The following CELSR3 variants were observed in gnomAD, a reference collection of about 807,000 sequenced individuals.
CELSR3 encodes the protein cadherin EGF LAG seven-pass G-type receptor 3, also known as EGF-like protein 1.
In CELSR3, 73 loss-of-function variants were observed where a neutral mutation model predicts 270.0. The observed-to-expected ratio is 0.27, with a 90% CI of 0.22 to 0.33. CELSR3 has a LOEUF of 0.33. Ranked by LOEUF, CELSR3 falls within the 10% of genes least tolerant of loss-of-function variation. The pLI, the probability that CELSR3 is intolerant of heterozygous loss-of-function variation, is 1.00. For synonymous variants in CELSR3, 1,780 were observed against 1,905.4 expected (o/e 0.93, Z 1.71); for missense variants, 3,614 against 4,533.8 (o/e 0.80, Z 5.83).
rs764850227 is a variant in CELSR3, at chr3:48,656,813, C to A, written c.4284G>T (p.Thr1428=). 6.2e-7 allele frequency: 1 copy of A among 1,606,534 alleles called. No individual in the cohort carries two copies. Among genetic ancestry groups the A allele is most frequent in the South Asian group, 1.1e-5 (1 of 89,920 alleles). Residue 1428 remains threonine (T), a synonymous_variant, in exon 2 of 35, where the codon ACG becomes ACT. Coordinates refer to ENST00000164024, the MANE Select transcript of CELSR3 (RefSeq NM_001407.3). ...CGAGCTCGGTCTCGCAAAAGTCTCC[C>A]GTGAATCCGGGCGGGCAGCGGCAGC... is the stretch of plus-strand genomic sequence containing the variant. ...GLRCRCPPGF[T]GDFCETELDL...
In CELSR3 at chr3:48,661,725, C is replaced by A. The variant is rs1322692799; in HGVS notation, c.910G>T (p.Ala304Ser). Reference sequence around the variant, plus strand: ...CGGTTCGCCGAGGTTACTTTCCTGGCTTCAGGACGGGCCGGGAGTCCCGGG... The same window carrying A: ...CGGTTCGCCGAGGTTACTTTCCTGGATTCAGGACGGGCCGGGAGTCCCGGG... ...RPPGLPARPE[A>S]RKVTSANRAR... is the part of the protein sequence containing the mutation. Residue 304 changes from alanine to serine, a missense_variant, in exon 1 of 35, where the codon GCC becomes TCC. By Grantham distance (99) the Ala-to-Ser change is moderately conservative. Transcript: ENST00000164024. 1.3e-6 allele frequency: 2 copies of A among 1,579,130 alleles called. No individual in the cohort carries two copies. The highest frequency in any genetic ancestry group is 1.7e-6 in the Non-Finnish European group (2 of 1,163,818).
rs894821694 is a variant in CELSR3 at position 48,639,319 on chromosome 3, G to T, written c.9911+355C>A. ...CGAACCTTCCCAAGCAAGGCCTCCT[G>T]CTCTCCTCCCTGCCCCTTGCATATT... On this transcript the variant is annotated intron_variant, in intron 34 of 34. Coordinates refer to ENST00000164024, the MANE Select transcript of CELSR3 (RefSeq NM_001407.3). The surrounding 1 kb of genome is among the most constrained non-coding windows in gnomAD (Gnocchi z 4.1). Among the ~76,000 whole-genome samples, 1 of 152,268 alleles carries T rather than the reference G, an allele frequency of 6.6e-6. No homozygotes were observed. The highest frequency in any genetic ancestry group is 2.4e-5 in the African/African-American group (1 of 41,562).
In CELSR3 at chr3:48,644,172, C is replaced by T; in HGVS notation, c.8165+44G>A. The T allele has an allele frequency of 6.4e-7, 1 of 1,556,848 alleles. No individual in the cohort carries two copies. The highest frequency in any genetic ancestry group is 2.3e-5 in the East Asian group (1 of 44,144). ...GGCCCCAGACCCCACCCAGGAGGGA[C>T]CTGCCATCCTGAGAAGCCCCCTTCC... On this transcript the variant is annotated intron_variant, in intron 27 of 34. Transcript: ENST00000164024. The surrounding 1 kb of genome is among the most constrained non-coding windows in gnomAD (Gnocchi z 4.8).
rs776243787 is a variant in CELSR3, at chr3:48,661,451, C to T, written c.1184G>A (p.Ser395Asn). 1.2e-6 allele frequency: 2 copies of T among 1,609,944 alleles called. No individual in the cohort carries two copies. Among genetic ancestry groups the T allele is most frequent in the Non-Finnish European group, 1.7e-6 (2 of 1,178,650 alleles). ...IRTAAALDRE[S>N]MERHYLRVTA... ...CACACGCAGGTAGTGACGCTCCATG[C>T]TCTCGCGGTCCAGAGCTGCCGCCGT... The change falls in exon 1 of 35, where the codon AGC becomes AAC. Residue 395 changes from serine to asparagine, a missense_variant. Physicochemically the swap from Ser to Asn is conservative, Grantham distance 46. This residue lies in a region of CELSR3 where 354 missense variants were observed against 500.9 expected (regional missense o/e 0.71). Transcript: ENST00000164024.
rs751852739 is a variant in CELSR3 at position 48,642,954 on chromosome 3, C to T, written c.8406+13G>A. Reference sequence around the variant, plus strand: ...TAAAACTCTGGCTTCTCAGGGCCCCCATCCCGACTCACCAGCCCAGGTGCT... The same window carrying T: ...TAAAACTCTGGCTTCTCAGGGCCCCTATCCCGACTCACCAGCCCAGGTGCT... On this transcript the variant is annotated intron_variant, in intron 29 of 34. Transcript: ENST00000164024. This position sits in a 1 kb window ranked among gnomAD's most constrained non-coding sequence, Gnocchi z 6.1. The T allele has an allele frequency of 6.2e-7, 1 of 1,610,724 alleles. No individual in the cohort carries two copies. Among genetic ancestry groups the T allele is most frequent in the Non-Finnish European group, 8.5e-7 (1 of 1,178,218 alleles).
Position 48,645,826 on chromosome 3 carries a change from C to G in CELSR3, c.7506G>C (p.Leu2502=). The G allele has an allele frequency of 6.2e-7, 1 of 1,610,904 alleles. No individual in the cohort carries two copies. Among genetic ancestry groups the G allele is most frequent in the Non-Finnish European group, 8.5e-7 (1 of 1,179,210 alleles). Residue 2502 remains leucine, a synonymous_variant, in exon 23 of 35, where the codon CTG becomes CTC. Coordinates refer to ENST00000164024, the MANE Select transcript of CELSR3 (RefSeq NM_001407.3). The surrounding 1 kb of genome is among the most constrained non-coding windows in gnomAD (Gnocchi z 5.4). ...GTGCGTGGGACCCATTCCTGTGCAC[C>G]AGCTCGCAGTCCCGTGCTGTCCACA... ...HGVWTARDCE[L]VHRNGSHARC... is the part of the protein sequence containing the mutation.
Position 48,660,277 on chromosome 3 carries a change from G to A in CELSR3, c.2358C>T (p.Asn786=). ...CTGTGATCTGGTAGCTGATGGCACT[G>A]TTGGCATCACGGTCTACTGCGGTCA... is the stretch of plus-strand genomic sequence containing the variant. The part of the protein sequence containing the change: ...VSVTAVDRDA[N]SAISYQITGG... Residue 786 remains asparagine (N), a synonymous_variant, in exon 1 of 35, where the codon AAC becomes AAT. Transcript: ENST00000164024. The surrounding 1 kb of genome is among the most constrained non-coding windows in gnomAD (Gnocchi z 5.5). The A allele has an allele frequency of 1.2e-6, 2 of 1,614,174 alleles. No individual in the cohort carries two copies. The highest frequency in any genetic ancestry group is 1.7e-5 in the Admixed American group (1 of 60,024).
chr3:48,656,708 C>A lies in CELSR3; in HGVS notation c.4389G>T (p.Pro1463=). The A allele has an allele frequency of 1.3e-6, 2 of 1,491,398 alleles. No individual in the cohort carries two copies. Among genetic ancestry groups the A allele is most frequent in the Non-Finnish European group, 1.8e-6 (2 of 1,126,978 alleles). The allele number at this position is 1,491,398 out of a possible 1,614,324, so 92.4% of individuals were successfully genotyped here. Residue 1463 remains proline (P), a synonymous_variant, in exon 2 of 35, where the codon CCG becomes CCT. Transcript: ENST00000164024. ...CGGCGCCCTGCTCACCGGTGAAGCG[C>A]GGGCGGCAGACGCACGTGTAGCCTC... ...REGGYTCVCR[P]RFTGEDCELD... is the part of the protein sequence containing the mutation.
At position 48,645,051 on chromosome 3, in the gene CELSR3, G is replaced by A. The variant is rs762976816; in HGVS notation, c.7956C>T (p.Val2652=). ...MRFYHALGWG[V]PAVLLGLAVG... ...AGCCCTCACCCAGCAGCACAGCAGG[G>A]ACGCCCCAGCCCAGGGCATGGTAGA... is the stretch of plus-strand genomic sequence containing the variant. Residue 2652 remains valine, a synonymous_variant, in exon 25 of 35, where the codon GTC becomes GTT. Coordinates refer to ENST00000164024, the MANE Select transcript of CELSR3 (RefSeq NM_001407.3). The surrounding 1 kb of genome is among the most constrained non-coding windows in gnomAD (Gnocchi z 5.4). 3 of 1,587,158 alleles carry A rather than the reference G, an allele frequency of 1.9e-6. No homozygotes were observed. The highest frequency in any genetic ancestry group is 2.6e-6 in the Non-Finnish European group (3 of 1,162,112).
chr3:48,656,320 C>A lies in CELSR3; in HGVS notation c.4445G>T (p.Gly1482Val). 1 of 1,459,122 alleles carries A rather than the reference C, an allele frequency of 6.9e-7. No individual in the cohort carries two copies. The highest frequency in any genetic ancestry group is 8.9e-7 in the Non-Finnish European group (1 of 1,119,356). The allele number at this position is 1,459,122 out of a possible 1,614,324, so 90.4% of individuals were successfully genotyped here. The change falls in exon 3 of 35, where the codon GGC (glycine) becomes GTC (valine). Residue 1482 changes from glycine to valine, a missense_variant. By Grantham distance (109) the Gly-to-Val change is moderately radical (BLOSUM62 -3). Coordinates refer to ENST00000164024, the MANE Select transcript of CELSR3 (RefSeq NM_001407.3). ...LDTEAGRCVPGVCRNGGTCTD... is the reference protein window; with the variant it reads ...LDTEAGRCVPVVCRNGGTCTD... ...GCAGGTGCCCCCGTTGCGGCAGACGCCCGGCACGCAGCGGCCGGCCTCGGT... is the reference window on the plus strand; with the variant it reads ...GCAGGTGCCCCCGTTGCGGCAGACGACCGGCACGCAGCGGCCGGCCTCGGT...
At chr3:48,648,627 A>C in intron 18 of CELSR3, 92 bp downstream of exon 18, 1 of 1,473,542 alleles carries the variant, frequency 6.8e-7, no homozygotes, top group Non-Finnish European at 9.1e-7. Flanking sequence ...TTCACTTCCC[A>C]AGAGAACAGC....
At position 48,652,179 on chromosome 3, in the gene CELSR3, C is replaced by T; in HGVS notation, c.5752-131G>A. 1.0e-6 allele frequency: 1 copy of T among 964,728 alleles called. No individual in the cohort carries two copies. The highest frequency in any genetic ancestry group is 1.5e-6 in the Non-Finnish European group (1 of 674,068). The allele number at this position is 964,728 out of a possible 1,614,324, so 59.8% of individuals were successfully genotyped here. The stretch of plus-strand genomic sequence containing the variant: ...TGATACCCTCAAAAAACCCAGGCCT[C>T]AAAAATATCCCCAATTTGGTACCCC... On this transcript the variant is annotated intron_variant, in intron 11 of 34. Coordinates refer to ENST00000164024, the MANE Select transcript of CELSR3 (RefSeq NM_001407.3). The surrounding 1 kb of genome is among the most constrained non-coding windows in gnomAD (Gnocchi z 4.3).
At position 48,659,316 on chromosome 3, in the gene CELSR3, C is replaced by A. The variant is rs780764728; in HGVS notation, c.3319G>T (p.Val1107Leu). The A allele has an allele frequency of 6.2e-7, 1 of 1,614,186 alleles. No individual in the cohort carries two copies. Among genetic ancestry groups the A allele is most frequent in the East Asian group, 2.2e-5 (1 of 44,892 alleles). The part of the protein sequence containing the change: ...GPNAHIMYQI[V>L]EGNIPELFQM... ...AACAGCTCAGGGATGTTCCCCTCCA[C>A]GATCTGGTACATTATATGGGCATTG... Residue 1107 changes from valine (V) to leucine (L), a missense_variant, in exon 1 of 35, where the codon GTG becomes TTG. Val to Leu is a conservative substitution (Grantham distance 32, BLOSUM62 1). Coordinates refer to ENST00000164024, the MANE Select transcript of CELSR3 (RefSeq NM_001407.3). The surrounding 1 kb of genome is among the most constrained non-coding windows in gnomAD (Gnocchi z 8.1).
rs1177516862 is a variant in CELSR3 at position 48,640,116 on chromosome 3, G to T, written c.9469C>A (p.Pro3157Thr). The T allele has an allele frequency of 6.2e-7, 1 of 1,611,744 alleles. No individual in the cohort carries two copies. Among genetic ancestry groups the T allele is most frequent in the Non-Finnish European group, 8.5e-7 (1 of 1,179,848 alleles). ...AGGTCCCGGGTGCGGCGGGGCGGAG[G>T]CAGCGTGCTCAACCACTCTCGAGGT... The part of the protein sequence containing the change: ...GAPREWLSTL[P>T]PPRRTRDLDP... Residue 3157 changes from proline (P) to threonine (T), a missense_variant, in exon 34 of 35, where the codon CCT becomes ACT. By Grantham distance (38) the Pro-to-Thr change is conservative (BLOSUM62 -1). Coordinates refer to ENST00000164024, the MANE Select transcript of CELSR3 (RefSeq NM_001407.3). This position sits in a 1 kb window ranked among gnomAD's most constrained non-coding sequence, Gnocchi z 7.5.
In CELSR3 at chr3:48,646,933, C is replaced by G; in HGVS notation, c.7130-5G>C. 6.6e-7 allele frequency: 1 copy of G among 1,521,398 alleles called. No individual in the cohort carries two copies. The highest frequency in any genetic ancestry group is 8.8e-7 in the Non-Finnish European group (1 of 1,138,990). The allele number at this position is 1,521,398 out of a possible 1,614,324, so 94.2% of individuals were successfully genotyped here. A position where few individuals can be genotyped will look rare whatever the true frequency, so the allele number is the denominator to read the frequency against. ...TGCTGCTGCTTGTGGGCAGAACTGC[C>G]AGGAGAGAAGGAGGAGCTTCTGTCA... On this transcript the variant is annotated splice_region_variant and splice_polypyrimidine_tract_variant and intron_variant, in intron 20 of 34. Transcript: ENST00000164024. The surrounding 1 kb of genome is among the most constrained non-coding windows in gnomAD (Gnocchi z 4.8).
chr3:48,655,985 G>T lies in CELSR3; in HGVS notation c.4626-134C>A. On this transcript the variant is annotated intron_variant, in intron 3 of 34. Coordinates refer to ENST00000164024, the MANE Select transcript of CELSR3 (RefSeq NM_001407.3). The surrounding 1 kb of genome is among the most constrained non-coding windows in gnomAD (Gnocchi z 5.8). ...CGAGGGACGGCGGGACCGACCGGGG[G>T]GACGCGGGTGCAGCGAGGTCAGGAG... 1 of 1,114,056 alleles carries T rather than the reference G, an allele frequency of 9.0e-7. No individual in the cohort carries two copies. Among genetic ancestry groups the T allele is most frequent in the South Asian group, 1.4e-5 (1 of 72,246 alleles). 69.0% of individuals were successfully genotyped at this position (1,114,056 alleles called of 1,614,324 possible).
Position 48,640,523 on chromosome 3 carries a change from G to T in CELSR3, c.9062C>A (p.Pro3021Gln). The change falls in exon 34 of 35, where the codon CCA becomes CAA. Residue 3021 changes from proline (P) to glutamine (Q), a missense_variant. By Grantham distance (76) the Pro-to-Gln change is moderately conservative. Transcript: ENST00000164024. The surrounding 1 kb of genome is among the most constrained non-coding windows in gnomAD (Gnocchi z 7.5). Reference sequence around the variant, plus strand: ...CAGCTCAGGGGCACCTCGGGTCTGTGGCACCAGTGGGTATTGCAACCGGTT... The same window carrying T: ...CAGCTCAGGGGCACCTCGGGTCTGTTGCACCAGTGGGTATTGCAACCGGTT... Reference protein sequence around the residue: ...LKNRLQYPLVPQTRGAPELSW... With the variant: ...LKNRLQYPLVQQTRGAPELSW... 6.2e-7 allele frequency: 1 copy of T among 1,601,430 alleles called. No individual in the cohort carries two copies. The highest frequency in any genetic ancestry group is 2.2e-5 in the East Asian group (1 of 44,596).
chr3:48,651,111 G>A lies in CELSR3; in HGVS notation c.6187-36C>T. On this transcript the variant is annotated intron_variant, in intron 14 of 34. Coordinates refer to ENST00000164024, the MANE Select transcript of CELSR3 (RefSeq NM_001407.3). This position sits in a 1 kb window ranked among gnomAD's most constrained non-coding sequence, Gnocchi z 7.4. ...ATGGGCCAGGGGCCTGAAGTCAGAG[G>A]TCAGGGCTTGGGGAATGAGTGGAAT... is the stretch of plus-strand genomic sequence containing the variant. 3 of 1,532,640 alleles carry A rather than the reference G, an allele frequency of 2.0e-6. No homozygotes were observed. The highest frequency in any genetic ancestry group is 2.6e-6 in the Non-Finnish European group (3 of 1,138,662). 94.9% of individuals were successfully genotyped at this position (1,532,640 alleles called of 1,614,324 possible).
At position 48,649,132 on chromosome 3, in the gene CELSR3, G is replaced by A; in HGVS notation, c.6556C>T (p.Leu2186Phe). Residue 2186 changes from leucine to phenylalanine, a missense_variant, in exon 17 of 35, where the codon CTC becomes TTC. By Grantham distance (22) the Leu-to-Phe change is conservative. Coordinates refer to ENST00000164024, the MANE Select transcript of CELSR3 (RefSeq NM_001407.3). ...CTGGGCAGTCTCACCAGCAGACTGA[G>A]CTCTCGAAAGGCAGGGGAGGTACAG... ...FNCTSPAFRE[L>F]SLLLDGLELN... The A allele has an allele frequency of 6.2e-7, 1 of 1,612,106 alleles. No individual in the cohort carries two copies. Among genetic ancestry groups the A allele is most frequent in the Non-Finnish European group, 8.5e-7 (1 of 1,179,312 alleles).
Sources: gnomAD v4.1 joint callset for allele counts (sites outside exome capture counted in the v4.1 genomes callset) on GRCh38, gnomAD v4.1.1 for gene constraint, gnomAD v4.1.1 regional missense constraint, Gnocchi (gnomAD v3.1) non-coding constraint, MANE v1.5 for transcripts, NCBI Gene and HGNC (gene_info 2026-07-23, HGNC 2026-07-21) for gene names.